The following MAN1A2 variants were observed in gnomAD, a reference collection of about 807,000 sequenced individuals.
MAN1A2 encodes mannosyl-oligosaccharide 1,2-alpha-mannosidase IB.
Under a neutral mutation model 75.7 loss-of-function variants are expected in MAN1A2, and 26 were observed. That is an observed-to-expected ratio of 0.34 (90% CI 0.25 to 0.48). The LOEUF is 0.48. Ranked by LOEUF, MAN1A2 falls within the 20% of genes least tolerant of loss-of-function variation. MAN1A2 has a pLI of 0.99. For synonymous variants in MAN1A2, 247 were observed against 264.6 expected (o/e 0.93, Z 0.65); for missense variants, 562 against 775.5 (o/e 0.72, Z 3.27).
intron 12 of MAN1A2, among the ~76,000 whole-genome samples, chr1:117,506,133 A>T (rs1157601031): frequency 6.6e-6 from 1 of 151,516 alleles, no homozygotes; most frequent in African/African-American, 2.4e-5. Flanking sequence ...GAAGATAAGT[A>T]TGGTCTCTTA....
intron 8 of MAN1A2, among the ~76,000 whole-genome samples, chr1:117,480,025 G>A (rs189980606): frequency 4.5e-4 from 68 of 151,966 alleles, no homozygotes; most frequent in African/African-American, 1.6e-3. Flanking sequence ...TTGTCTGGCT[G>A]GTATGAACAT....
At chr1:117,460,394 T>G in intron 6 of MAN1A2, 95 bp from the exon 7 acceptor site, 1 of 768,464 alleles carries the variant, frequency 1.3e-6, no homozygotes, top group Non-Finnish European at 2.1e-6. Flanking sequence ...TATAATAATT[T>G]ATAAGAGATC....
intron 1 of MAN1A2, among the ~76,000 whole-genome samples, chr1:117,375,916 T>G (rs1208336697): frequency 3.7e-4 from 3 of 8,084 alleles, no homozygotes; most frequent in Admixed American, 1.3e-3. Flanking sequence ...TTAATTTATG[T>G]TTTTTTTTTT....
chr1:117,411,680 C>T (rs973321182), intron 3 of MAN1A2, among the ~76,000 whole-genome samples: 1 of 151,644 alleles, frequency 6.6e-6, no homozygotes, highest in Non-Finnish European at 1.5e-5. Flanking sequence ...AGGATGTATC[C>T]AGAATATATA....
chr1:117,465,332 A>G (rs762099679), intron 7 of MAN1A2, among the ~76,000 whole-genome samples: 1 of 152,186 alleles, frequency 6.6e-6, no homozygotes, highest in African/African-American at 2.4e-5. Flanking sequence ...TTATAACATC[A>G]TTCAGAACTA....
intron 7 of MAN1A2, 53 bp downstream of exon 7, chr1:117,460,665 T>C: frequency 6.6e-7 from 1 of 1,519,918 alleles, no homozygotes; most frequent in Non-Finnish European, 8.8e-7. Context: ...CCTTTAAGAT[T>C]GGCCCAAAGA....
chr1:117,392,871 G>T (rs1195297615), intron 1 of MAN1A2, among the ~76,000 whole-genome samples: 1 of 152,232 alleles, frequency 6.6e-6, no homozygotes, highest in African/African-American at 2.4e-5. Flanking sequence ...CATGACCAAA[G>T]TAATTGGATT....
At chr1:117,374,622 T>C (rs550709118) in intron 1 of MAN1A2, among the ~76,000 whole-genome samples, 9 of 152,188 alleles carry the variant, frequency 5.9e-5, no homozygotes, top group Non-Finnish European at 1.2e-4. Context: ...TTGGACTCAG[T>C]GTTAAGAGAC....
intron 1 of MAN1A2, among the ~76,000 whole-genome samples, chr1:117,399,643 C>T (rs1647343948): frequency 6.6e-6 from 1 of 152,198 alleles, no homozygotes; most frequent in Admixed American, 6.5e-5. Context: ...CAAGCACTTT[C>T]CCTCTTTCTC....
intron 1 of MAN1A2, among the ~76,000 whole-genome samples, chr1:117,394,299 G>A (rs1217192099): frequency 2.0e-5 from 3 of 152,046 alleles, no homozygotes; most frequent in African/African-American, 7.2e-5. Context: ...AGCCAGGATG[G>A]TCTCAATCTC....
chr1:117,479,174 G>T (rs1339579247), intron 8 of MAN1A2, among the ~76,000 whole-genome samples: 1 of 151,756 alleles, frequency 6.6e-6, no homozygotes, highest in Non-Finnish European at 1.5e-5. Context: ...AACATATGGT[G>T]TTTGGTTTTC....
At chr1:117,430,311 C>T (rs1648583507) in intron 5 of MAN1A2, among the ~76,000 whole-genome samples, 1 of 127,376 alleles carries the variant, frequency 7.9e-6, no homozygotes, top group Non-Finnish European at 1.7e-5. Context: ...GGGGGGCTGA[C>T]CCCCCCCACC....
At chr1:117,500,696 G>A (rs139037384) in intron 11 of MAN1A2, among the ~76,000 whole-genome samples, 85 of 151,994 alleles carry the variant, frequency 5.6e-4, no homozygotes, top group African/African-American at 2.0e-3. Flanking sequence ...AACAGATGCA[G>A]CATTTATTGA....
intron 1 of MAN1A2, among the ~76,000 whole-genome samples, chr1:117,373,317 AT>A (rs950506885): frequency 6.6e-6 from 1 of 151,412 alleles, no homozygotes; most frequent in Non-Finnish European, 1.5e-5. Flanking sequence ...GCGACGTCAC[AT>A]TGTTTTATGC....
intron 12 of MAN1A2, among the ~76,000 whole-genome samples, chr1:117,517,039 T>C (rs1426233763): frequency 6.6e-6 from 1 of 152,036 alleles, no homozygotes; most frequent in African/African-American, 2.4e-5. Flanking sequence ...AACCAGACTG[T>C]AAAAATTCAT....
At chr1:117,401,696 T>C (rs1429078556) in intron 1 of MAN1A2, among the ~76,000 whole-genome samples, 3 of 152,190 alleles carry the variant, frequency 2.0e-5, no homozygotes, top group African/African-American at 7.2e-5. Flanking sequence ...CATGCCCACA[T>C]CTGTTGGGAA....
At chr1:117,458,512 G>GAT (rs1553236631) in intron 6 of MAN1A2, among the ~76,000 whole-genome samples, 12,009 of 105,044 alleles carry the variant, frequency 0.11, 891 homozygotes, top group Admixed American at 0.22. Context: ...TATATATATA[G>GAT]ATATATATAT....
intron 1 of MAN1A2, among the ~76,000 whole-genome samples, chr1:117,372,517 A>G (rs1036896077): frequency 6.6e-6 from 1 of 152,312 alleles, no homozygotes; most frequent in East Asian, 1.9e-4. Flanking sequence ...GTTCCCTTCT[A>G]TTAAGTAGTT....
chr1:117,428,083 A>C (rs1444292644), intron 5 of MAN1A2, among the ~76,000 whole-genome samples: 1 of 148,628 alleles, frequency 6.7e-6, no homozygotes, highest in Non-Finnish European at 1.5e-5. Flanking sequence ...CCAATAAATA[A>C]ACTGTAAATC....
Sources: gnomAD v4.1 joint callset for allele counts (sites outside exome capture counted in the v4.1 genomes callset) on GRCh38, gnomAD v4.1.1 for gene constraint, MANE v1.5 for transcripts, NCBI Gene and HGNC (gene_info 2026-07-23, HGNC 2026-07-21) for gene names.